KIF26A: variants seen among roughly 807,000 people sequenced by gnomAD.
KIF26A encodes kinesin-like protein KIF26A.
In KIF26A, 74 loss-of-function variants were observed where a neutral mutation model predicts 126.0. That is an observed-to-expected ratio of 0.59 (90% CI 0.49 to 0.71). The LOEUF (loss-of-function observed/expected upper bound fraction) is 0.71, where lower values mean the gene tolerates loss of function less well. Ranked by LOEUF, KIF26A falls within the 30% of genes least tolerant of loss-of-function variation. The probability of loss-of-function intolerance (pLI) is 0.00; values close to 1 mark genes in which losing one functional copy is unlikely to be tolerated. For missense variants in KIF26A, 2,984 were observed against 2,763.3 expected, an observed-to-expected ratio of 1.08 and a Z score of -1.79; for synonymous variants, 1,445 against 1,232.7, an observed-to-expected ratio of 1.17 and a Z score of -3.61.
chr14:104,170,883 G>A (rs768678322), intron 5 of KIF26A, among the ~76,000 whole-genome samples: 8 of 152,210 alleles, frequency 5.3e-5, no homozygotes, highest in Non-Finnish European at 7.3e-5. Flanking sequence ...TCCCGAGTCC[G>A]GTGCCTGTAT....
intron 2 of KIF26A, among the ~76,000 whole-genome samples, chr14:104,146,116 G>T (rs1479632214): frequency 6.6e-6 from 1 of 152,200 alleles, no homozygotes; most frequent in East Asian, 1.9e-4. Context: ...CCTGAGGCAG[G>T]TGTCTCAGTC....
chr14:104,165,643 CTGTATG>C, intron 4 of KIF26A, among the ~76,000 whole-genome samples: 1 of 132,188 alleles, frequency 7.6e-6, no homozygotes, highest in African/African-American at 3.6e-5. Context: ...GTCTGTGTTT[CTGTATG>C]CATGTGTGTG....
intron 5 of KIF26A, among the ~76,000 whole-genome samples, chr14:104,171,224 A>C (rs1174375628): frequency 6.6e-6 from 1 of 152,228 alleles, no homozygotes; most frequent in Non-Finnish European, 1.5e-5. Flanking sequence ...GGTCGGAGGC[A>C]GCCATGCCCC....
Position 104,157,832 on chromosome 14 carries a change from G to C in KIF26A, c.813G>C (p.Leu271Phe). 6.2e-7 allele frequency: 1 copy of C among 1,609,630 alleles called. No individual in the cohort carries two copies. The highest frequency in any genetic ancestry group is 1.7e-5 in the Admixed American group (1 of 59,770). ...CCCCCGTGGCCGGCCCTGATGGCTT[G>C]TCGAAGGCCTGGGGCCGTGGTGGAG... ...ECPPVAGPDG[L>F]SKAWGRGGVC... The change falls in exon 4 of 15, where the codon TTG becomes TTC. Residue 271 changes from leucine (L) to phenylalanine (F), a missense_variant. Transcript: ENST00000423312.
chr14:104,165,827 ATGTGTGTGTTTCTGTGTGTGTC>A (rs1278442664), intron 4 of KIF26A, among the ~76,000 whole-genome samples: 11 of 150,078 alleles, frequency 7.3e-5, no homozygotes, highest in South Asian at 2.1e-4. Context: ...TTCTGTGTGC[ATGTGTGTGTTTCTGTGTGTGTC>A]TGTGTGTGTC....
intron 4 of KIF26A, among the ~76,000 whole-genome samples, chr14:104,162,417 C>A (rs537767469): frequency 6.6e-6 from 1 of 152,168 alleles, no homozygotes; most frequent in African/African-American, 2.4e-5. Context: ...GTGCTGCGGA[C>A]GCTGCTCCTG....
intron 5 of KIF26A, 69 bp from the exon 6 acceptor site, chr14:104,171,654 C>G: frequency 7.2e-7 from 1 of 1,384,714 alleles, no homozygotes. Context: ...AGCTGGGCCC[C>G]TCCTGCCCTG....
intron 2 of KIF26A, among the ~76,000 whole-genome samples, chr14:104,147,795 A>G (rs1266053422): frequency 6.6e-6 from 1 of 152,224 alleles, no homozygotes; most frequent in Non-Finnish European, 1.5e-5. Context: ...TCTGGAGGTC[A>G]TGGCCCATGG....
At chr14:104,164,747 CTG>C (rs753080650) in intron 4 of KIF26A, among the ~76,000 whole-genome samples, 37 of 148,494 alleles carry the variant, frequency 2.5e-4, no homozygotes, top group Non-Finnish European at 3.1e-4. Flanking sequence ...GTGCGCGTGT[CTG>C]TGTGTGTGCG....
intron 11 of KIF26A, among the ~76,000 whole-genome samples, chr14:104,174,684 G>C (rs8011051): frequency 6.6e-6 from 1 of 151,994 alleles, no homozygotes; most frequent in Admixed American, 6.5e-5. Flanking sequence ...GGGGTTACAC[G>C]GCCCTTGGTG....
At chr14:104,147,998 G>C (rs1446968858) in intron 2 of KIF26A, among the ~76,000 whole-genome samples, 2 of 152,188 alleles carry the variant, frequency 1.3e-5, no homozygotes, top group East Asian at 3.9e-4. Context: ...TCTCTGAACT[G>C]GGAGCAGGAC....
At position 104,176,881 on chromosome 14, in the gene KIF26A, C is replaced by T; in HGVS notation, c.4093C>T (p.Pro1365Ser). 1.3e-6 allele frequency: 2 copies of T among 1,542,248 alleles called. No homozygotes were observed. Among genetic ancestry groups the T allele is most frequent in the African/African-American group, 1.4e-5 (1 of 73,048 alleles). ...RPSGAAPPAP[P>S]TRKSSLEQRS... ...CAGTGGGGCGGCCCCCCCGGCCCCA[C>T]CCACGCGGAAGTCCAGCCTGGAGCA... Residue 1365 changes from proline (P) to serine (S), a missense_variant, in exon 12 of 15, where the codon CCC becomes TCC. By Grantham distance (74) the Pro-to-Ser change is moderately conservative. Transcript: ENST00000423312.
chr14:104,161,664 G>C (rs140287637), intron 4 of KIF26A, among the ~76,000 whole-genome samples: 357 of 152,304 alleles, frequency 2.3e-3, no homozygotes, highest in Non-Finnish European at 3.9e-3. Context: ...AGCTTCTTCT[G>C]TGAGCATCTG....
At chr14:104,146,206 C>T (rs1022045495) in intron 2 of KIF26A, among the ~76,000 whole-genome samples, 1 of 152,124 alleles carries the variant, frequency 6.6e-6, no homozygotes, top group Admixed American at 6.5e-5. Flanking sequence ...GGGTGGGTGG[C>T]CCCTAGGGCT....
At position 104,173,851 on chromosome 14, in the gene KIF26A, C is replaced by G; in HGVS notation, c.2013C>G (p.Ala671=). 1 of 1,595,208 alleles carries G rather than the reference C, an allele frequency of 6.3e-7. No individual in the cohort carries two copies. Among genetic ancestry groups the G allele is most frequent in the Non-Finnish European group, 8.5e-7 (1 of 1,176,242 alleles). Reference sequence around the variant, plus strand: ...TCATCTTGGCCCTGGTCAACGGAGCCAAGCATGTGCCGTATCGGTGAGTGT... The same window carrying G: ...TCATCTTGGCCCTGGTCAACGGAGCGAAGCATGTGCCGTATCGGTGAGTGT... ...GSVILALVNG[A]KHVPYRDHRL... is the part of the protein sequence containing the mutation. The change falls in exon 10 of 15, where the codon GCC becomes GCG. Residue 671 remains alanine, a synonymous_variant. Coordinates refer to ENST00000423312, the MANE Select transcript of KIF26A (RefSeq NM_015656.2).
chr14:104,174,605 C>T (rs947619473), intron 11 of KIF26A, among the ~76,000 whole-genome samples: 8 of 152,018 alleles, frequency 5.3e-5, no homozygotes, highest in South Asian at 4.2e-4. Context: ...TCAGGAGAGC[C>T]GCACCACCTC....
At chr14:104,150,360 GAAATCCAGGCCTCTGGAGTGGCCCAT>G (rs972639860) in intron 2 of KIF26A, among the ~76,000 whole-genome samples, 4 of 152,082 alleles carry the variant, frequency 2.6e-5, no homozygotes, top group African/African-American at 9.6e-5. Flanking sequence ...TGGGTTGGAG[GAAATCCAGGCCTCTGGAGTGGCCCAT>G]AAATCAGGCA....
chr14:104,175,266 C>T lies in KIF26A; in HGVS notation c.2478C>T (p.Pro826=). The T allele has an allele frequency of 6.2e-7, 1 of 1,606,668 alleles. No individual in the cohort carries two copies. The highest frequency in any genetic ancestry group is 8.5e-7 in the Non-Finnish European group (1 of 1,179,618). ...TCCCTGCCCTGAGCCGCCACCGGCC[C>T]TCCAAGGGTCCCCGAGACGCAGACC... ...PIIPALSRHR[P]SKGPRDADHF... Residue 826 remains proline, a synonymous_variant, in exon 12 of 15, where the codon CCC becomes CCT. Coordinates refer to ENST00000423312, the MANE Select transcript of KIF26A (RefSeq NM_015656.2).
chr14:104,157,349 C>T (rs1304770796), intron 3 of KIF26A, among the ~76,000 whole-genome samples: 1 of 152,152 alleles, frequency 6.6e-6, no homozygotes, highest in African/African-American at 2.4e-5. Flanking sequence ...CTGGGTGCTC[C>T]CAGGAGGCTC....
Sources: allele counts gnomAD v4.1 joint callset (sites outside exome capture counted in the v4.1 genomes callset), GRCh38; gene constraint gnomAD v4.1.1; transcripts MANE v1.5; gene names NCBI Gene and HGNC (gene_info 2026-07-23, HGNC 2026-07-21).